The following SEPTIN14 variants were observed in gnomAD, a reference collection of about 807,000 sequenced individuals.
The protein encoded by SEPTIN14 is septin-14.
A neutral mutation model predicts 53.6 loss-of-function variants in SEPTIN14; 40 were observed. The ratio of observed to expected loss-of-function variants is 0.75; its 90% CI spans 0.58 to 0.97. The LOEUF (loss-of-function observed/expected upper bound fraction) is 0.97. SEPTIN14 is among the 50% of genes least tolerant of loss of function. The probability of loss-of-function intolerance (pLI) is 0.00; values close to 1 mark genes in which losing one functional copy is unlikely to be tolerated. For synonymous variants in SEPTIN14, 138 were observed against 166.8 expected (o/e 0.83, Z 1.33); for missense variants, 471 against 508.2 (o/e 0.93, Z 0.70).
chr7:55,802,481 C>T (rs1467477431), intron 9 of SEPTIN14, among the ~76,000 whole-genome samples: 1 of 152,036 alleles, frequency 6.6e-6, no homozygotes, highest in African/African-American at 2.4e-5. Context: ...ATCAGATGGC[C>T]AAGTGGAATT....
rs988519334 is a variant in SEPTIN14 at position 55,845,831 on chromosome 7, C to T, written c.175+686G>A. On this transcript the variant is annotated intron_variant, in intron 3 of 9. Coordinates refer to ENST00000388975, the MANE Select transcript of SEPTIN14 (RefSeq NM_207366.3). ...TTGGGAGGCTGAGGCGGGCGGATCA[C>T]GAGGTCAGGAGATCGAGACCATCCT... is the stretch of plus-strand genomic sequence containing the variant. Among the ~76,000 whole-genome samples, 7 of 150,758 alleles carry T rather than the reference C, an allele frequency of 4.6e-5. No homozygotes were observed. The South Asian group carries it at 8.4e-4, about 18-fold the overall frequency.
At chr7:55,828,547 G>A (rs1382450057) in intron 6 of SEPTIN14, among the ~76,000 whole-genome samples, 1 of 151,974 alleles carries the variant, frequency 6.6e-6, no homozygotes, top group South Asian at 2.1e-4. Flanking sequence ...CTCGTGATCC[G>A]CCCATCTCGG....
chr7:55,816,994 C>T (rs1716230231), intron 7 of SEPTIN14, among the ~76,000 whole-genome samples: 1 of 152,036 alleles, frequency 6.6e-6, no homozygotes, highest in Admixed American at 6.6e-5. Context: ...AAAACAACTA[C>T]CATATGATCC....
chr7:55,851,338 C>T (rs1464401929), intron 2 of SEPTIN14, among the ~76,000 whole-genome samples: 2 of 152,110 alleles, frequency 1.3e-5, no homozygotes, highest in Non-Finnish European at 2.9e-5. Context: ...TCAGCCCTGG[C>T]AACCTCTCAT....
intron 5 of SEPTIN14, among the ~76,000 whole-genome samples, chr7:55,841,939 G>A (rs1222879964): frequency 6.6e-6 from 1 of 152,072 alleles, no homozygotes; most frequent in East Asian, 1.9e-4. Context: ...GGAGGCTGAG[G>A]CCAGAGAATC....
At chr7:55,840,406 T>A (rs1789288269) in intron 5 of SEPTIN14, among the ~76,000 whole-genome samples, 1 of 151,864 alleles carries the variant, frequency 6.6e-6, no homozygotes, top group South Asian at 2.1e-4. Flanking sequence ...GGAGAACTGC[T>A]TGAACCCAGG....
chr7:55,805,202 A>G (rs1438501060), intron 9 of SEPTIN14, 56 bp downstream of exon 9: 12 of 1,501,162 alleles, frequency 8.0e-6, no homozygotes, highest in African/African-American at 1.4e-5. Flanking sequence ...TAAAACCCCC[A>G]AATTAATAGG....
At chr7:55,800,478 G>T (rs1478412257) in intron 9 of SEPTIN14, among the ~76,000 whole-genome samples, 3 of 152,162 alleles carry the variant, frequency 2.0e-5, no homozygotes, top group Non-Finnish European at 4.4e-5. Flanking sequence ...ACAAAAATTA[G>T]CTGGGTGTGG....
intron 2 of SEPTIN14, 82 bp downstream of exon 2, chr7:55,861,860 CA>C: frequency 1.2e-6 from 1 of 820,544 alleles, no homozygotes; most frequent in South Asian, 2.0e-5. Context: ...ATGCCTACAT[CA>C]GTTTTCCAAG....
chr7:55,857,674 G>T (rs1298957089), intron 2 of SEPTIN14, among the ~76,000 whole-genome samples: 5 of 125,612 alleles, frequency 4.0e-5, no homozygotes, highest in African/African-American at 1.5e-4. Context: ...TGCAAGCTCC[G>T]CCTCCCGGGT....
At chr7:55,811,656 C>G (rs1482359468) in intron 7 of SEPTIN14, among the ~76,000 whole-genome samples, 1 of 150,922 alleles carries the variant, frequency 6.6e-6, no homozygotes, top group African/African-American at 2.4e-5. Context: ...CATGCACCAC[C>G]ACGCCTGGTT....
At chr7:55,834,019 C>CAAT (rs1789159882) in intron 6 of SEPTIN14, among the ~76,000 whole-genome samples, 1 of 151,838 alleles carries the variant, frequency 6.6e-6, no homozygotes, top group African/African-American at 2.4e-5. Flanking sequence ...TTAAAGAGAC[C>CAAT]AATAACAAAT....
chr7:55,816,434 T>C (rs1310822521), intron 7 of SEPTIN14, among the ~76,000 whole-genome samples: 1 of 152,126 alleles, frequency 6.6e-6, no homozygotes, highest in East Asian at 1.9e-4. Context: ...ACACACTGAA[T>C]GCCAGTATCA....
chr7:55,852,765 G>C (rs758772866), intron 2 of SEPTIN14, among the ~76,000 whole-genome samples: 7 of 152,102 alleles, frequency 4.6e-5, no homozygotes, highest in Non-Finnish European at 7.4e-5. Flanking sequence ...CACTGAATGG[G>C]AGAAAATATT....
At position 55,807,149 on chromosome 7, in the gene SEPTIN14, C is replaced by T; in HGVS notation, c.927G>A (p.Arg309=). The T allele has an allele frequency of 6.2e-7, 1 of 1,607,630 alleles. No homozygotes were observed. The part of the protein sequence containing the change: ...KTHTQHYECY[R]YQKLQKMGFT... ...AGCCCATTTTCTGCAGTTTTTGGTA[C>T]CTATAACATTCATAGTGCTGAGTGT... The change falls in exon 8 of 10, where the codon AGG becomes AGA. Residue 309 remains arginine (R), a synonymous_variant. Coordinates refer to ENST00000388975, the MANE Select transcript of SEPTIN14 (RefSeq NM_207366.3).
intron 6 of SEPTIN14, among the ~76,000 whole-genome samples, chr7:55,821,785 T>C (rs1788900131): frequency 6.6e-6 from 1 of 152,186 alleles, no homozygotes; most frequent in South Asian, 2.1e-4. Flanking sequence ...AGAAAGAGGA[T>C]TGTTAGATCA....
intron 7 of SEPTIN14, among the ~76,000 whole-genome samples, chr7:55,817,478 T>TA (rs200629230): frequency 0.012 from 1,322 of 112,510 alleles, 10 homozygotes; most frequent in African/African-American, 0.039. Flanking sequence ...ATATATATAT[T>TA]TTTTTTTTTT....
intron 8 of SEPTIN14, 137 bp downstream of exon 8, chr7:55,806,953 C>G: frequency 1.7e-6 from 1 of 574,702 alleles, no homozygotes; most frequent in South Asian, 3.4e-5. Context: ...ATAAAAACAC[C>G]TAACATTCAG....
chr7:55,805,268 GCTT>G lies in SEPTIN14; in HGVS notation c.1106_1108del (p.Glu369del). On this transcript the variant is annotated inframe_deletion, in exon 9 of 10. Coordinates refer to ENST00000388975, the MANE Select transcript of SEPTIN14 (RefSeq NM_207366.3). Reference sequence around the variant, plus strand: ...ACTGTCAGTACTAACCTCTTTTTCAGCTTCTTTAAATGTTGCTTCTTTCTCCTT... The same window carrying G: ...ACTGTCAGTACTAACCTCTTTTTCAGCTTTAAATGTTGCTTCTTTCTCCTT... The G allele has an allele frequency of 1.2e-6, 2 of 1,610,582 alleles. No homozygotes were observed. Among genetic ancestry groups the G allele is most frequent in the South Asian group, 2.2e-5 (2 of 90,644 alleles).
Sources: gnomAD v4.1 joint callset for allele counts (sites outside exome capture counted in the v4.1 genomes callset) on GRCh38, gnomAD v4.1.1 for gene constraint, MANE v1.5 for transcripts, NCBI Gene and HGNC (gene_info 2026-07-23, HGNC 2026-07-21) for gene names.